PCDHGA1: variants seen among roughly 807,000 people sequenced by gnomAD.
The protein encoded by PCDHGA1 is protocadherin gamma subfamily A, 1, also known as protocadherin gamma-A1.
PCDHGA1 carries 32 observed loss-of-function variants against 58.0 expected under a neutral mutation model. The observed-to-expected ratio is 0.55, with a 90% confidence interval of 0.42 to 0.74. The LOEUF (loss-of-function observed/expected upper bound fraction) is 0.74, where lower values mean the gene tolerates loss of function less well. PCDHGA1 is among the 30% of genes least tolerant of loss of function. The pLI, the probability that PCDHGA1 is intolerant of heterozygous loss-of-function variation, is 0.00. For missense variants in PCDHGA1, 1,205 were observed against 1,182.3 expected (o/e 1.02, Z -0.28); for synonymous variants, 498 against 501.1 (o/e 0.99, Z 0.08).
chr5:141,500,444 C>T (rs1032064705), intron 2 of PCDHGA1, among the ~76,000 whole-genome samples: 3 of 151,370 alleles, frequency 2.0e-5, no homozygotes, highest in African/African-American at 4.9e-5. Context: ...CTCCTGACCT[C>T]GTGATCCGCC....
chr5:141,362,427 G>C (rs1762495108), intron 1 of PCDHGA1: 3 of 1,614,030 alleles, frequency 1.9e-6, no homozygotes, highest in Non-Finnish European at 1.7e-6. Context: ...CCAAGACAGA[G>C]TTCAATTTTC....
intron 1 of PCDHGA1, chr5:141,361,012 A>G: frequency 6.2e-7 from 1 of 1,613,186 alleles, no homozygotes; most frequent in South Asian, 1.1e-5. Flanking sequence ...ACACTTTTTC[A>G]ACTTAAATGA....
intron 1 of PCDHGA1, chr5:141,371,175 G>A: frequency 3.1e-6 from 5 of 1,614,004 alleles, no homozygotes; most frequent in Non-Finnish European, 4.2e-6. Flanking sequence ...TGGCTCCTCC[G>A]TATTAAAAGT....
rs758139838 is a variant in PCDHGA1, at chr5:141,431,419, G to C, written c.2422-63388G>C. The C allele has an allele frequency of 1.5e-5, 25 of 1,613,700 alleles. No individual in the cohort carries two copies. The highest frequency in any genetic ancestry group is 2.0e-5 in the Non-Finnish European group (24 of 1,180,046). On this transcript the variant is annotated intron_variant, in intron 1 of 3. Coordinates refer to ENST00000517417, the MANE Select transcript of PCDHGA1 (RefSeq NM_018912.3). This position sits in a 1 kb window ranked among gnomAD's most constrained non-coding sequence, Gnocchi z 4.8. ...TTACGGCCTCCGACGGGGGCGACCC[G>C]GTGCGCACAGGCACCGCGCGCATCC... is the stretch of plus-strand genomic sequence containing the variant.
At chr5:141,498,793 T>C (rs2154592354) in intron 2 of PCDHGA1, among the ~76,000 whole-genome samples, 1 of 152,028 alleles carries the variant, frequency 6.6e-6, no homozygotes, top group Non-Finnish European at 1.5e-5. Context: ...ATTAGCCAGG[T>C]GTGGTGGTGC....
At chr5:141,361,137 A>G (rs1215399684) in intron 1 of PCDHGA1, 2 of 1,613,630 alleles carry the variant, frequency 1.2e-6, no homozygotes, top group South Asian at 2.2e-5. Flanking sequence ...GCAGTATCCA[A>G]GTTGAAATTC....
At chr5:141,460,650 T>C (rs1264813071) in intron 1 of PCDHGA1, among the ~76,000 whole-genome samples, 2 of 152,094 alleles carry the variant, frequency 1.3e-5, no homozygotes, top group East Asian at 3.9e-4. Flanking sequence ...TGTTTACACA[T>C]ATGTAACTGT....
Position 141,487,673 on chromosome 5 carries a change from C to T in PCDHGA1, c.2422-7134C>T. On this transcript the variant is annotated intron_variant, in intron 1 of 3. Transcript: ENST00000517417. The surrounding 1 kb of genome is among the most constrained non-coding windows in gnomAD (Gnocchi z 5.0). Reference sequence around the variant, plus strand: ...GGGTTATTCTGATCCAGGCATATGGCTAGGCCATGTCCTAGAGAGTACTGG... The same window carrying T: ...GGGTTATTCTGATCCAGGCATATGGTTAGGCCATGTCCTAGAGAGTACTGG... 6.2e-7 allele frequency: 1 copy of T among 1,611,456 alleles called. No homozygotes were observed. Among genetic ancestry groups the T allele is most frequent in the East Asian group, 2.2e-5 (1 of 44,852 alleles).
intron 1 of PCDHGA1, chr5:141,398,744 GTTACCATCGT>G (rs765550213): frequency 1.3e-4 from 209 of 1,613,736 alleles, no homozygotes; most frequent in Non-Finnish European, 1.7e-4. Context: ...GAACAACAGA[GTTACCATCGT>G]TTAGTCCTGA....
chr5:141,409,997 G>T, intron 1 of PCDHGA1: 3 of 1,613,224 alleles, frequency 1.9e-6, no homozygotes, highest in Non-Finnish European at 2.5e-6. Flanking sequence ...CGCCGACTCG[G>T]GACACAACGC....
At chr5:141,359,358 G>A (rs1161332359) in intron 1 of PCDHGA1, among the ~76,000 whole-genome samples, 1 of 151,914 alleles carries the variant, frequency 6.6e-6, no homozygotes, top group East Asian at 1.9e-4. Context: ...TGTTTTAAAG[G>A]CCTAGGAAAG....
At chr5:141,405,415 G>A in intron 1 of PCDHGA1, 4 of 1,559,568 alleles carry the variant, frequency 2.6e-6, no homozygotes, top group African/African-American at 1.4e-5. Flanking sequence ...TTCTTTTTTT[G>A]TTTTTTGTTT....
At chr5:141,370,375 G>T in intron 1 of PCDHGA1, 2 of 1,527,984 alleles carry the variant, frequency 1.3e-6, no homozygotes. Context: ...ATTTAGAAAG[G>T]CAAAGGCGCA....
chr5:141,339,779 G>C (rs1415797229), intron 1 of PCDHGA1: 5 of 1,614,218 alleles, frequency 3.1e-6, no homozygotes, highest in South Asian at 1.1e-5. Flanking sequence ...CACTGACGCA[G>C]ATGAGGGCTA....
At chr5:141,350,705 T>A in intron 1 of PCDHGA1, 1 of 1,613,940 alleles carries the variant, frequency 6.2e-7, no homozygotes, top group Non-Finnish European at 8.5e-7. Flanking sequence ...CGGGGTAAAA[T>A]TCTCTCTGGA....
intron 1 of PCDHGA1, chr5:141,382,749 G>A: frequency 1.6e-6 from 1 of 612,214 alleles, no homozygotes; most frequent in Non-Finnish European, 2.8e-6. Flanking sequence ...GACAGATTGC[G>A]ATAAGCCCTC....
intron 1 of PCDHGA1, chr5:141,424,621 T>C (rs560809778): frequency 6.6e-6 from 1 of 152,346 alleles, no homozygotes; most frequent in Non-Finnish European, 1.5e-5. Context: ...TAGAGTAGTT[T>C]GTGAATATAT....
chr5:141,352,062 C>A (rs754428978), intron 1 of PCDHGA1: 3 of 1,605,904 alleles, frequency 1.9e-6, no homozygotes, highest in South Asian at 2.2e-5. Flanking sequence ...GCTTGGCTGT[C>A]CTACCACGTG....
chr5:141,353,101 A>G (rs896793984), intron 1 of PCDHGA1, among the ~76,000 whole-genome samples: 8 of 152,084 alleles, frequency 5.3e-5, no homozygotes, highest in African/African-American at 1.9e-4. Flanking sequence ...GGGGTACTAG[A>G]TAGATGGAGA....
Sources: gnomAD v4.1 joint callset for allele counts (sites outside exome capture counted in the v4.1 genomes callset) on GRCh38, gnomAD v4.1.1 for gene constraint, Gnocchi (gnomAD v3.1) non-coding constraint, MANE v1.5 for transcripts, NCBI Gene and HGNC (gene_info 2026-07-23, HGNC 2026-07-21) for gene names.